Variants in UNC79 observed in about 807,000 individuals in gnomAD.
UNC79 encodes protein unc-79 homolog.
In UNC79, 37 loss-of-function variants were observed where a neutral mutation model predicts 283.1. That is an observed-to-expected ratio of 0.13 (90% CI 0.10 to 0.17). UNC79 has a LOEUF of 0.17. Among genes scored for constraint, UNC79 ranks in the 10% least tolerant of loss-of-function variants. The pLI is 1.00. For synonymous variants in UNC79, 1,107 were observed against 1,200.2 expected (o/e 0.92, Z 1.61); for missense variants, 2,272 against 3,211.1 (o/e 0.71, Z 7.07).
intron 1 of UNC79, among the ~76,000 whole-genome samples, chr14:93,361,981 G>A (rs970226089): frequency 6.6e-6 from 1 of 152,156 alleles, no homozygotes; most frequent in Admixed American, 6.5e-5. Flanking sequence ...TTCATGTGAT[G>A]AAAACATTTA....
At chr14:93,609,160 A>G (rs1359792701) in intron 26 of UNC79, among the ~76,000 whole-genome samples, 1 of 152,230 alleles carries the variant, frequency 6.6e-6, no homozygotes, top group African/African-American at 2.4e-5. Flanking sequence ...AATATTGGGT[A>G]TATCTAATAA....
At chr14:93,672,924 T>C (rs1045171767) in intron 40 of UNC79, among the ~76,000 whole-genome samples, 4 of 152,248 alleles carry the variant, frequency 2.6e-5, no homozygotes, top group African/African-American at 9.6e-5. Flanking sequence ...TCCATTTTTC[T>C]GGATGCTTGA....
chr14:93,572,662 G>T, intron 15 of UNC79, 31 bp from the exon 16 acceptor site: 1 of 1,612,924 alleles, frequency 6.2e-7, no homozygotes, highest in East Asian at 2.2e-5. Flanking sequence ...TATGCCCATT[G>T]GTCATTTACT....
In UNC79 at chr14:93,474,847, A is replaced by G. The variant is rs185781988; in HGVS notation, c.448+454A>G. On this transcript the variant is annotated intron_variant, in intron 3 of 48. Coordinates refer to ENST00000555664, the Ensembl canonical transcript of UNC79. This position sits in a 1 kb window ranked among gnomAD's most constrained non-coding sequence, Gnocchi z 4.1. The stretch of plus-strand genomic sequence containing the variant: ...ACCCATTTTTTCCTGTCTCTTTAAT[A>G]AAGTCAGGAGGTTAGATGAGAAGTA... 1.4e-3 allele frequency among the ~76,000 whole-genome samples: 220 copies of G among 152,346 alleles called. No individual in the cohort carries two copies. Among genetic ancestry groups the G allele is most frequent in the Non-Finnish European group, 1.4e-3 (92 of 68,030 alleles).
intron 1 of UNC79, among the ~76,000 whole-genome samples, chr14:93,423,062 C>CAAAAAAAAAAAA (rs71129634): frequency 6.5e-5 from 5 of 77,304 alleles, no homozygotes; most frequent in Admixed American, 1.4e-4. Flanking sequence ...GACTCTGTCT[C>CAAAAAAAAAAAA]AAAAAAAAAA....
intron 1 of UNC79, among the ~76,000 whole-genome samples, chr14:93,439,353 G>A (rs2056209831): frequency 6.6e-6 from 1 of 151,852 alleles, no homozygotes; most frequent in African/African-American, 2.4e-5. Flanking sequence ...TAATATACTA[G>A]GCAGTATCTG....
At chr14:93,655,873 A>G (rs2070879175) in intron 38 of UNC79, among the ~76,000 whole-genome samples, 1 of 152,154 alleles carries the variant, frequency 6.6e-6, no homozygotes, top group Non-Finnish European at 1.5e-5. Flanking sequence ...ACACCATACC[A>G]TCTCCCAAGA....
intron 1 of UNC79, among the ~76,000 whole-genome samples, chr14:93,395,656 C>G (rs1259821284): frequency 6.6e-6 from 1 of 152,108 alleles, no homozygotes; most frequent in Non-Finnish European, 1.5e-5. Flanking sequence ...GTTTTGCTGG[C>G]TATAGAATTT....
At chr14:93,572,455 T>C (rs1340794667) in intron 15 of UNC79, among the ~76,000 whole-genome samples, 1 of 151,626 alleles carries the variant, frequency 6.6e-6, no homozygotes, top group Non-Finnish European at 1.5e-5. Context: ...CTGTTAAACC[T>C]AATATGAGGA....
At chr14:93,406,958 A>G (rs553670339) in intron 1 of UNC79, among the ~76,000 whole-genome samples, 11 of 152,104 alleles carry the variant, frequency 7.2e-5, no homozygotes, top group Non-Finnish European at 1.3e-4. Flanking sequence ...GAAGCCCTAG[A>G]TAGTCTAGGG....
chr14:93,477,505 A>G (rs1316723730), intron 3 of UNC79, 53 bp from the exon 4 acceptor site: 7 of 1,443,962 alleles, frequency 4.8e-6, no homozygotes, highest in East Asian at 2.5e-5. Context: ...AAGTTAGCCT[A>G]TTTTGTTAAT....
chr14:93,706,372 TCAC>T (rs1416300291), intron 48 of UNC79, among the ~76,000 whole-genome samples: 1 of 152,196 alleles, frequency 6.6e-6, no homozygotes, highest in African/African-American at 2.4e-5. Context: ...CCCGGGCACT[TCAC>T]CACCACACCA....
intron 1 of UNC79, among the ~76,000 whole-genome samples, chr14:93,367,405 G>A (rs1236577144): frequency 6.6e-6 from 1 of 152,130 alleles, no homozygotes; most frequent in Non-Finnish European, 1.5e-5. Context: ...TATAAATACT[G>A]ATACTGATGG....
intron 1 of UNC79, among the ~76,000 whole-genome samples, chr14:93,385,948 C>T (rs2054766042): frequency 6.6e-6 from 1 of 152,132 alleles, no homozygotes; most frequent in Non-Finnish European, 1.5e-5. Flanking sequence ...TCCTTTCCAA[C>T]TTGGATGCCC....
intron 3 of UNC79, 83 bp from the exon 4 acceptor site, chr14:93,477,475 T>C (rs1304795967): frequency 8.4e-7 from 1 of 1,191,114 alleles, no homozygotes; most frequent in Non-Finnish European, 1.1e-6. Flanking sequence ...TTAAACCAGT[T>C]CATTAAAGCT....
At chr14:93,705,497 T>C (rs1413790114) in intron 48 of UNC79, among the ~76,000 whole-genome samples, 1 of 152,082 alleles carries the variant, frequency 6.6e-6, no homozygotes, top group Non-Finnish European at 1.5e-5. Context: ...AAATAAATGA[T>C]AGGATTGAGC....
chr14:93,645,470 C>G (rs2069499355), intron 34 of UNC79, among the ~76,000 whole-genome samples: 1 of 152,204 alleles, frequency 6.6e-6, no homozygotes, highest in South Asian at 2.1e-4. Flanking sequence ...AAAACAGATT[C>G]AACTGTCAGC....
At chr14:93,482,009 T>G (rs1464708250) in intron 4 of UNC79, among the ~76,000 whole-genome samples, 1 of 152,230 alleles carries the variant, frequency 6.6e-6, no homozygotes, top group Non-Finnish European at 1.5e-5. Context: ...GATAACTTCC[T>G]GTGTCTACAT....
At chr14:93,506,999 G>A (rs1279375393) in intron 7 of UNC79, among the ~76,000 whole-genome samples, 1 of 152,120 alleles carries the variant, frequency 6.6e-6, no homozygotes, top group South Asian at 2.1e-4. Context: ...GGTAAATGGA[G>A]ATCAAACATG....
Sources: gnomAD v4.1 joint callset for allele counts (sites outside exome capture counted in the v4.1 genomes callset) on GRCh38, gnomAD v4.1.1 for gene constraint, Gnocchi (gnomAD v3.1) non-coding constraint, MANE v1.5 for transcripts, NCBI Gene and HGNC (gene_info 2026-07-23, HGNC 2026-07-21) for gene names.